Variants in RERE observed in about 807,000 individuals in gnomAD.
RERE encodes the protein arginine-glutamic acid dipeptide repeats.
RERE carries 40 observed loss-of-function variants against 146.1 expected under a neutral mutation model. The observed-to-expected ratio is 0.27, with a 90% confidence interval of 0.21 to 0.36. The LOEUF (loss-of-function observed/expected upper bound fraction) is 0.36. Among genes scored for constraint, RERE ranks in the 10% least tolerant of loss-of-function variants. The probability of loss-of-function intolerance (pLI) is 1.00; values close to 1 mark genes in which losing one functional copy is unlikely to be tolerated. For missense variants in RERE, 1,933 were observed against 2,138.7 expected, an observed-to-expected ratio of 0.90 and a Z score of 1.90; for synonymous variants, 1,003 against 866.0, an observed-to-expected ratio of 1.16 and a Z score of -2.78.
intron 1 of RERE, chr1:8,750,558 A>G: frequency 1.0e-6 from 1 of 988,734 alleles, no homozygotes; most frequent in Non-Finnish European, 1.6e-6. Context: ...ATGCTTTGAA[A>G]GGCAAGGAAG....
chr1:8,367,535 T>C (rs1259372804), intron 12 of RERE, among the ~76,000 whole-genome samples: 1 of 152,168 alleles, frequency 6.6e-6, no homozygotes, highest in African/African-American at 2.4e-5. Context: ...CTTAACAAAT[T>C]ACTCCTGATC....
At chr1:8,761,922 C>CA (rs1468460145) in intron 1 of RERE, among the ~76,000 whole-genome samples, 2 of 151,492 alleles carry the variant, frequency 1.3e-5, no homozygotes, top group Non-Finnish European at 2.9e-5. Flanking sequence ...AACTCTGTCT[C>CA]AAAAAAAAGG....
intron 12 of RERE, among the ~76,000 whole-genome samples, chr1:8,382,420 A>C (rs1379461448): frequency 6.6e-6 from 1 of 152,272 alleles, no homozygotes; most frequent in Admixed American, 6.5e-5. Flanking sequence ...TTCGCAGCTT[A>C]GGCTTTGGCT....
intron 2 of RERE, among the ~76,000 whole-genome samples, chr1:8,641,686 G>C (rs949702238): frequency 2.6e-5 from 4 of 152,172 alleles, no homozygotes; most frequent in Non-Finnish European, 4.4e-5. Flanking sequence ...TCTGAAGGCT[G>C]TCAGCTTGCT....
Position 8,543,988 on chromosome 1 carries a change from C to T in RERE, c.726-2670G>A, listed in dbSNP as rs1004529129. Among the ~76,000 whole-genome samples the T allele has an allele frequency of 4.5e-4, 68 of 152,288 alleles. 1 individual carries two copies. The highest frequency in any genetic ancestry group is 1.6e-3 in the African/African-American group (66 of 41,566). On this transcript the variant is annotated intron_variant, in intron 6 of 22. Transcript: ENST00000400908. ...TTCTAATTGCACTGTACCTCTAATA[C>T]AATGTGGAAAGAGTGAACATCCTTG...
intron 2 of RERE, among the ~76,000 whole-genome samples, chr1:8,654,205 T>C (rs1474143850): frequency 6.6e-6 from 1 of 151,922 alleles, no homozygotes; most frequent in Non-Finnish European, 1.5e-5. Context: ...CCCAGCTAAT[T>C]TTTTACTGTT....
chr1:8,690,350 C>T (rs113421052), intron 1 of RERE, among the ~76,000 whole-genome samples: 16 of 152,188 alleles, frequency 1.1e-4, no homozygotes, highest in African/African-American at 3.9e-4. Context: ...TCATCTAAAC[C>T]TAACTGCCTT....
chr1:8,633,636 A>T (rs528597044), intron 2 of RERE, among the ~76,000 whole-genome samples: 1 of 150,878 alleles, frequency 6.6e-6, no homozygotes, highest in East Asian at 2.0e-4. Flanking sequence ...ACCTTAAAAG[A>T]AACTTATTGG....
At chr1:8,789,466 A>G (rs778077966) in intron 1 of RERE, among the ~76,000 whole-genome samples, 1 of 151,480 alleles carries the variant, frequency 6.6e-6, no homozygotes, top group Non-Finnish European at 1.5e-5. Flanking sequence ...AAGCAATTTT[A>G]ACACGTCACA....
chr1:8,559,280 C>CAAAAAAAAAAA (rs548075266), intron 4 of RERE, among the ~76,000 whole-genome samples: 27 of 12,066 alleles, frequency 2.2e-3, no homozygotes, highest in African/African-American at 4.0e-3. Flanking sequence ...AACTCCAGCT[C>CAAAAAAAAAAA]AAAAAAAAAA....
chr1:8,699,035 T>C (rs1639393587), intron 1 of RERE, among the ~76,000 whole-genome samples: 1 of 152,238 alleles, frequency 6.6e-6, no homozygotes, highest in Non-Finnish European at 1.5e-5. Context: ...TCACGAATCA[T>C]CATGCTCATT....
At chr1:8,666,327 A>G (rs1011747456) in intron 1 of RERE, among the ~76,000 whole-genome samples, 3 of 152,184 alleles carry the variant, frequency 2.0e-5, no homozygotes, top group African/African-American at 4.8e-5. Flanking sequence ...TTCTGCATTT[A>G]TTGTGTATCC....
chr1:8,693,942 A>G (rs552183783), intron 1 of RERE, among the ~76,000 whole-genome samples: 2 of 151,896 alleles, frequency 1.3e-5, no homozygotes, highest in African/African-American at 4.8e-5. Context: ...TAATGTTTTA[A>G]TCTACCATAT....
chr1:8,766,546 C>CAAAAAAAAAAAAAAAAAA (rs60530407), intron 1 of RERE, among the ~76,000 whole-genome samples: 1 of 66,020 alleles, frequency 1.5e-5, no homozygotes, highest in African/African-American at 5.6e-5. Context: ...GACTCCATTG[C>CAAAAAAAAAAAAAAAAAA]AAAAAAAAAA....
At chr1:8,541,368 T>G in intron 6 of RERE, 50 bp from the exon 7 acceptor site, 1 of 1,159,726 alleles carries the variant, frequency 8.6e-7, no homozygotes. Flanking sequence ...CTGCTTTTGC[T>G]AACCAAAACT....
intron 1 of RERE, among the ~76,000 whole-genome samples, chr1:8,727,162 GA>G (rs149350975): frequency 0.026 from 3,939 of 148,734 alleles, 159 homozygotes; most frequent in African/African-American, 0.092. Flanking sequence ...GGGGTGGGGG[GA>G]AAGGAGTCTC....
rs79003344 is a variant in RERE at position 8,674,687 on chromosome 1, T to C, written c.-144-18246A>G. On this transcript the variant is annotated intron_variant, in intron 1 of 22. Coordinates refer to ENST00000400908, the MANE Select transcript of RERE (RefSeq NM_001042681.2). ...AAAGTCAAGTGCCCCAATGTTGACT[T>C]GACAAACTTCCTCAATTTTGTTGTC... is the stretch of plus-strand genomic sequence containing the variant. 2.5e-3 allele frequency among the ~76,000 whole-genome samples: 380 copies of C among 152,366 alleles called. 1 individual carries two copies. Among genetic ancestry groups the C allele is most frequent in the African/African-American group, 8.8e-3 (368 of 41,586 alleles).
In RERE at chr1:8,656,120, C is replaced by G; in HGVS notation, c.178G>C (p.Asp60His). Residue 60 changes from aspartate (D) to histidine (H), a missense_variant, in exon 2 of 23, where the codon GAC becomes CAC. By Grantham distance (81) the Asp-to-His change is moderately conservative (BLOSUM62 -1). Transcript: ENST00000400908. The part of the protein sequence containing the change: ...YAESDHSEDE[D>H]NDNNSATAEE... ...GCGGTGGCACTATTGTTGTCATTGT[C>G]CTCGTCTTCACTGTGATCACTCTCA... 6.2e-7 allele frequency: 1 copy of G among 1,613,990 alleles called. No homozygotes were observed. Among genetic ancestry groups the G allele is most frequent in the Non-Finnish European group, 8.5e-7 (1 of 1,179,940 alleles).
chr1:8,790,686 C>T (rs1241801733), intron 1 of RERE, among the ~76,000 whole-genome samples: 1 of 152,250 alleles, frequency 6.6e-6, no homozygotes, highest in Non-Finnish European at 1.5e-5. Flanking sequence ...CAGGTTCAAG[C>T]AATTCTCGTA....
Sources: allele counts gnomAD v4.1 joint callset (sites outside exome capture counted in the v4.1 genomes callset), GRCh38; gene constraint gnomAD v4.1.1; transcripts MANE v1.5; gene names NCBI Gene and HGNC (gene_info 2026-07-23, HGNC 2026-07-21).